The following APP variants were observed in gnomAD, a reference collection of about 807,000 sequenced individuals.
APP encodes amyloid-beta precursor protein.
In APP, 31 loss-of-function variants were observed where a neutral mutation model predicts 101.4. The ratio of observed to expected loss-of-function variants is 0.31; its 90% CI spans 0.23 to 0.41. The LOEUF (loss-of-function observed/expected upper bound fraction) is 0.41. Among genes scored for constraint, APP ranks in the 10% least tolerant of loss-of-function variants. The probability of loss-of-function intolerance (pLI) is 1.00; values close to 1 mark genes in which losing one functional copy is unlikely to be tolerated. For missense variants in APP, 839 were observed against 1,003.7 expected (o/e 0.84, Z 2.22); for synonymous variants, 366 against 364.4 (o/e 1.00, Z -0.05).
At chr21:25,964,614 T>C (rs1185616209) in intron 11 of APP, among the ~76,000 whole-genome samples, 5 of 144,002 alleles carry the variant, frequency 3.5e-5, no homozygotes, top group Admixed American at 6.7e-5. Flanking sequence ...TTCTTTTTTT[T>C]TTTTTTTTTT....
intron 3 of APP, among the ~76,000 whole-genome samples, chr21:26,061,242 T>C (rs913726131): frequency 6.6e-6 from 1 of 152,210 alleles, no homozygotes; most frequent in African/African-American, 2.4e-5. Context: ...CTGAAGATGA[T>C]GGAAAAGTCT....
At chr21:25,925,028 T>G (rs1162359145) in intron 13 of APP, among the ~76,000 whole-genome samples, 1 of 152,232 alleles carries the variant, frequency 6.6e-6, no homozygotes, top group Non-Finnish European at 1.5e-5. Flanking sequence ...AATTTACTTA[T>G]GTGCCTGCCT....
chr21:25,887,534 A>C (rs1004028179), intron 17 of APP, among the ~76,000 whole-genome samples: 6 of 141,302 alleles, frequency 4.2e-5, no homozygotes, highest in East Asian at 3.9e-4. Context: ...AAAAAAAAAA[A>C]AAAAAACAAC....
intron 5 of APP, among the ~76,000 whole-genome samples, chr21:26,047,830 AC>A (rs1201425463): frequency 6.6e-6 from 1 of 152,198 alleles, no homozygotes; most frequent in East Asian, 1.9e-4. Context: ...ATGAATTGAG[AC>A]GTGCTGTTAA....
In APP at chr21:26,064,331, G is replaced by A. The variant is rs115342875; in HGVS notation, c.356-10983C>T. 8.2e-3 allele frequency among the ~76,000 whole-genome samples: 1,253 copies of A among 152,276 alleles called. 10 individuals are homozygous for A. Among genetic ancestry groups the A allele is most frequent in the African/African-American group, 0.028 (1,183 of 41,532 alleles). ...ATTAATATAAGATGTTAACAATAGGGAAAACTGGATGCAAAGCCTATGGGA... is the reference window on the plus strand; with the variant it reads ...ATTAATATAAGATGTTAACAATAGGAAAAACTGGATGCAAAGCCTATGGGA... On this transcript the variant is annotated intron_variant, in intron 3 of 17. Coordinates refer to ENST00000346798, the MANE Select transcript of APP (RefSeq NM_000484.4).
chr21:25,894,402 C>T (rs1294594072), intron 16 of APP, among the ~76,000 whole-genome samples: 1 of 152,148 alleles, frequency 6.6e-6, no homozygotes, highest in East Asian at 1.9e-4. Context: ...AACTGCAAAC[C>T]TTCTAAAAAG....
At chr21:26,126,754 T>G (rs766733791) in intron 1 of APP, among the ~76,000 whole-genome samples, 1 of 152,230 alleles carries the variant, frequency 6.6e-6, no homozygotes. Context: ...TGTCAGTAAT[T>G]CCCAGGTTGA....
chr21:25,900,201 A>C (rs1312388921), intron 15 of APP, among the ~76,000 whole-genome samples: 1 of 152,010 alleles, frequency 6.6e-6, no homozygotes, highest in Non-Finnish European at 1.5e-5. Context: ...TTATATAACC[A>C]GTGATTTCTT....
At chr21:26,028,556 C>T (rs1174491961) in intron 5 of APP, among the ~76,000 whole-genome samples, 4 of 152,080 alleles carry the variant, frequency 2.6e-5, no homozygotes, top group African/African-American at 9.7e-5. Flanking sequence ...ACTGCAGAGA[C>T]ACGGGGATTC....
intron 5 of APP, among the ~76,000 whole-genome samples, chr21:26,036,283 T>G (rs1286388922): frequency 3.8e-4 from 16 of 41,866 alleles, no homozygotes; most frequent in African/African-American, 8.7e-4. Context: ...GGGTGGGGGG[T>G]AGAACTGGGG....
At chr21:26,106,025 G>C (rs758404119) in intron 2 of APP, among the ~76,000 whole-genome samples, 4 of 152,142 alleles carry the variant, frequency 2.6e-5, no homozygotes, top group African/African-American at 4.8e-5. Context: ...TGGCTCCAAG[G>C]GCAGACGTGT....
intron 13 of APP, 49 bp from the exon 14 acceptor site, chr21:25,912,011 G>A (rs1441154099): frequency 2.9e-5 from 35 of 1,222,742 alleles, no homozygotes; most frequent in Non-Finnish European, 3.7e-5. Context: ...AATCACAACA[G>A]CAGCAGCAGC....
At chr21:25,928,517 T>C (rs184112929) in intron 13 of APP, among the ~76,000 whole-genome samples, 85 of 152,328 alleles carry the variant, frequency 5.6e-4, no homozygotes, top group African/African-American at 2.0e-3. Context: ...GGCCATTATG[T>C]CTGCAACTTC....
intron 11 of APP, among the ~76,000 whole-genome samples, chr21:25,963,108 CT>C (rs2041653375): frequency 6.6e-6 from 1 of 152,220 alleles, no homozygotes; most frequent in Admixed American, 6.5e-5. Context: ...GCCACCGCCC[CT>C]GGTGCTAGTA....
chr21:25,945,285 T>C (rs1600983363), intron 13 of APP, among the ~76,000 whole-genome samples: 1 of 151,912 alleles, frequency 6.6e-6, no homozygotes, highest in East Asian at 1.9e-4. Context: ...TCGAGGCAAA[T>C]ATCAGTTCTA....
At chr21:25,908,480 A>G (rs537752500) in intron 14 of APP, among the ~76,000 whole-genome samples, 2 of 151,956 alleles carry the variant, frequency 1.3e-5, no homozygotes, top group African/African-American at 2.4e-5. Flanking sequence ...AGTTGGGTGT[A>G]TGTGTGTGTG....
chr21:26,160,959 G>GA (rs984872220), intron 1 of APP, among the ~76,000 whole-genome samples: 8 of 151,978 alleles, frequency 5.3e-5, no homozygotes, highest in South Asian at 4.2e-4. Context: ...AAAAGAGGCT[G>GA]AAAAAAAAGA....
intron 13 of APP, among the ~76,000 whole-genome samples, chr21:25,913,118 C>G (rs1039175662): frequency 6.6e-5 from 10 of 152,148 alleles, no homozygotes; most frequent in Admixed American, 4.6e-4. Context: ...TGATTTGTAA[C>G]ATTTTACAAT....
chr21:26,071,019 C>T (rs928978464), intron 3 of APP, among the ~76,000 whole-genome samples: 1 of 152,076 alleles, frequency 6.6e-6, no homozygotes, highest in African/African-American at 2.4e-5. Flanking sequence ...AGGCAGAGCA[C>T]GAGTGTCATT....
Sources: gnomAD v4.1 joint callset for allele counts (sites outside exome capture counted in the v4.1 genomes callset) on GRCh38, gnomAD v4.1.1 for gene constraint, MANE v1.5 for transcripts, NCBI Gene and HGNC (gene_info 2026-07-23, HGNC 2026-07-21) for gene names.